Variants in TRPC7 observed in about 807,000 individuals in gnomAD.
TRPC7 encodes the protein transient receptor potential cation channel subfamily C member 7, also known as short transient receptor potential channel 7.
Under a neutral mutation model 90.1 loss-of-function variants are expected in TRPC7, and 42 were observed. That is an observed-to-expected ratio of 0.47 (90% CI 0.36 to 0.60). TRPC7 has a LOEUF of 0.60. Ranked by LOEUF, TRPC7 falls within the 20% of genes least tolerant of loss-of-function variation. TRPC7 has a pLI of 0.00. For synonymous variants in TRPC7, 451 were observed against 436.3 expected, an observed-to-expected ratio of 1.03 and a Z score of -0.42; for missense variants, 955 against 1,112.3, an observed-to-expected ratio of 0.86 and a Z score of 2.01.
chr5:136,285,183 T>A (rs1321226445), intron 3 of TRPC7, among the ~76,000 whole-genome samples: 1 of 152,182 alleles, frequency 6.6e-6, no homozygotes, highest in South Asian at 2.1e-4. Context: ...AGACTAAACA[T>A]GACTTGGAAA....
chr5:136,344,777 T>G (rs557888014), intron 2 of TRPC7, among the ~76,000 whole-genome samples: 1 of 152,304 alleles, frequency 6.6e-6, no homozygotes, highest in Middle Eastern at 3.4e-3. Context: ...GCAGCCTCCT[T>G]TGTGGTAACA....
chr5:136,222,837 C>T (rs555141782), intron 10 of TRPC7, among the ~76,000 whole-genome samples: 26 of 152,312 alleles, frequency 1.7e-4, no homozygotes, highest in Admixed American at 1.6e-3. Context: ...GTGGCCTTGG[C>T]CACTGAGCCT....
chr5:136,257,302 C>T (rs958577091), intron 5 of TRPC7, among the ~76,000 whole-genome samples: 6 of 151,766 alleles, frequency 4.0e-5, no homozygotes, highest in Admixed American at 2.6e-4. Flanking sequence ...TCTGCCTCAG[C>T]GTCCCGAGTA....
intron 2 of TRPC7, among the ~76,000 whole-genome samples, chr5:136,330,864 A>G (rs974197487): frequency 3.3e-5 from 5 of 151,964 alleles, no homozygotes; most frequent in Non-Finnish European, 7.4e-5. Flanking sequence ...ACTCCACCAC[A>G]CCCTTTTTGG....
chr5:136,345,830 T>C (rs1759988330), intron 2 of TRPC7, among the ~76,000 whole-genome samples: 1 of 152,194 alleles, frequency 6.6e-6, no homozygotes, highest in African/African-American at 2.4e-5. Context: ...TTTATGGTTT[T>C]AAGTCTAACA....
At chr5:136,286,809 C>G (rs1482550501) in intron 3 of TRPC7, among the ~76,000 whole-genome samples, 1 of 152,166 alleles carries the variant, frequency 6.6e-6, no homozygotes, top group East Asian at 1.9e-4. Context: ...ACTCCTTCCT[C>G]GGTCTTCATC....
intron 11 of TRPC7, among the ~76,000 whole-genome samples, chr5:136,215,695 C>T (rs1384967845): frequency 6.6e-6 from 1 of 151,956 alleles, no homozygotes; most frequent in Non-Finnish European, 1.5e-5. Context: ...TGGTGGCACA[C>T]ACCTGTGATC....
chr5:136,276,849 C>T (rs1347687362), intron 3 of TRPC7, among the ~76,000 whole-genome samples: 1 of 152,238 alleles, frequency 6.6e-6, no homozygotes, highest in East Asian at 1.9e-4. Context: ...AGGGTCTAGT[C>T]ATAGCACAGT....
chr5:136,250,023 C>A (rs1756470361), intron 6 of TRPC7, among the ~76,000 whole-genome samples: 1 of 152,212 alleles, frequency 6.6e-6, no homozygotes, highest in Non-Finnish European at 1.5e-5. Context: ...CAGAAGTGGA[C>A]AATACTGCAG....
Position 136,357,166 on chromosome 5 carries a change from CA to C in TRPC7, c.221del (p.Val74GlyfsTer18), listed in dbSNP as rs2149861922. 1 of 1,614,056 alleles carries C rather than the reference CA, an allele frequency of 6.2e-7. No individual in the cohort carries two copies. The highest frequency in any genetic ancestry group is 2.2e-5 in the East Asian group (1 of 44,872). On this transcript the variant is annotated frameshift_variant, in exon 2 of 12. Transcript: ENST00000513104. LOFTEE classifies it high-confidence loss of function. ...EESKTLNFNC[V>X]DYMGQNALQL... ...GCAGAGCGTTCTGCCCCATGTAGTC[CA>C]CACAGTTGAAGTTAAGGGTCTTGGA...
intron 8 of TRPC7, 99 bp downstream of exon 8, chr5:136,231,255 T>A: frequency 2.7e-6 from 3 of 1,115,628 alleles, no homozygotes; most frequent in Non-Finnish European, 3.8e-6. Context: ...GCTGCACATT[T>A]AACAACACAT....
chr5:136,258,585 A>C (rs1207925960), intron 5 of TRPC7, among the ~76,000 whole-genome samples: 1 of 152,202 alleles, frequency 6.6e-6, no homozygotes, highest in Non-Finnish European at 1.5e-5. Flanking sequence ...GGTGCCTGGC[A>C]GTGGAACAGG....
intron 3 of TRPC7, among the ~76,000 whole-genome samples, chr5:136,313,548 C>T (rs1053542881): frequency 2.0e-5 from 3 of 152,028 alleles, no homozygotes; most frequent in African/African-American, 7.2e-5. Context: ...AAATGGAAGC[C>T]CATTGTAATA....
intron 1 of TRPC7, among the ~76,000 whole-genome samples, chr5:136,364,082 T>C (rs1022621686): frequency 1.3e-5 from 2 of 152,054 alleles, no homozygotes; most frequent in Non-Finnish European, 2.9e-5. Flanking sequence ...GAAATGACAA[T>C]ACTGAAAAAA....
chr5:136,240,018 C>A (rs1235758082), intron 7 of TRPC7, among the ~76,000 whole-genome samples: 2 of 152,210 alleles, frequency 1.3e-5, no homozygotes. Flanking sequence ...GACCCAATTA[C>A]ATCTTCCTCC....
At chr5:136,232,421 G>A (rs1755848141) in intron 7 of TRPC7, among the ~76,000 whole-genome samples, 1 of 152,184 alleles carries the variant, frequency 6.6e-6, no homozygotes, top group African/African-American at 2.4e-5. Flanking sequence ...CTGTTACAGA[G>A]CTGAGGCTAG....
At chr5:136,221,012 G>T (rs562370653) in intron 10 of TRPC7, among the ~76,000 whole-genome samples, 32 of 152,180 alleles carry the variant, frequency 2.1e-4, no homozygotes, top group African/African-American at 7.2e-4. Flanking sequence ...AATAGATATA[G>T]AAAATAGATA....
At chr5:136,299,351 G>A (rs1442002784) in intron 3 of TRPC7, among the ~76,000 whole-genome samples, 7 of 144,018 alleles carry the variant, frequency 4.9e-5, no homozygotes, top group African/African-American at 1.2e-4. Context: ...GTGTGTGTGT[G>A]TGTGTGTGTG....
At chr5:136,243,934 T>C (rs1430516501) in intron 7 of TRPC7, among the ~76,000 whole-genome samples, 2 of 152,090 alleles carry the variant, frequency 1.3e-5, no homozygotes, top group African/African-American at 4.8e-5. Flanking sequence ...CTAGAAGGTC[T>C]GGGGTCCTCT....
Sources: allele counts gnomAD v4.1 joint callset (sites outside exome capture counted in the v4.1 genomes callset), GRCh38; gene constraint gnomAD v4.1.1; transcripts MANE v1.5; gene names NCBI Gene and HGNC (gene_info 2026-07-23, HGNC 2026-07-21).